GSN: variants seen among roughly 807,000 people sequenced by gnomAD.
GSN encodes the protein gelsolin.
A neutral mutation model predicts 85.7 loss-of-function variants in GSN; 56 were observed. The observed-to-expected ratio is 0.65, with a 90% CI of 0.53 to 0.82. The LOEUF is 0.82. GSN is among the 40% of genes least tolerant of loss of function. The probability of loss-of-function intolerance (pLI) is 0.00; values close to 1 mark genes in which losing one functional copy is unlikely to be tolerated. For synonymous variants in GSN, 373 were observed against 399.1 expected (o/e 0.93, Z 0.78); for missense variants, 857 against 979.8 (o/e 0.87, Z 1.67).
chr9:121,325,355 T>C (rs751990722), intron 12 of GSN, among the ~76,000 whole-genome samples: 3 of 152,148 alleles, frequency 2.0e-5, no homozygotes, highest in East Asian at 1.9e-4. Flanking sequence ...GGAAAGCACA[T>C]TGTGGGTAAA....
At position 121,251,187 on chromosome 9, in the gene GSN, C is replaced by CTTTTTTT. The variant is rs58231680; in HGVS notation, c.-341+2871_-341+2877dup. ...ATAACATACCTACAGCTGATGTGTT[C>CTTTTTTT]TTTTTTTTTTTTTGAGATGGATTCT... On this transcript the variant is annotated intron_variant, in intron 6 of 24. Coordinates refer to the GSN transcript ENST00000373823. Among the ~76,000 whole-genome samples the CTTTTTTT allele has an allele frequency of 7.1e-4, 52 of 73,044 alleles. 10 individuals are homozygous for CTTTTTTT. Among genetic ancestry groups the CTTTTTTT allele is most frequent in the Non-Finnish European group, 1.1e-3 (50 of 44,692 alleles). The allele number at this position is 73,044 out of a possible 152,430, so 47.9% of individuals were successfully genotyped here.
In GSN at chr9:121,327,412, G is replaced by C. The variant is rs761716107; in HGVS notation, c.1692G>C (p.Lys564Asn). Residue 564 changes from lysine (K) to asparagine (N), a missense_variant, in exon 14 of 18, where the codon AAG becomes AAC. Physicochemically the swap from Lys to Asn is moderately conservative, Grantham distance 94 (BLOSUM62 0). Transcript: ENST00000432226. ...WVGTGASEAE[K>N]TGAQELLRVL... ...GTACAGGAGCCAGCGAGGCAGAGAA[G>C]ACGGGGGCCCAGGAGCTGCTCAGGG... 1.9e-6 allele frequency: 3 copies of C among 1,611,716 alleles called. No individual in the cohort carries two copies. The highest frequency in any genetic ancestry group is 2.2e-5 in the South Asian group (2 of 90,574).
At chr9:121,295,649 G>A (rs1300538741) in intron 2 of GSN, among the ~76,000 whole-genome samples, 2 of 152,188 alleles carry the variant, frequency 1.3e-5, no homozygotes, top group African/African-American at 2.4e-5. Flanking sequence ...GAGGAAAGGA[G>A]GGCCCAGAGC....
At chr9:121,297,477 T>C (rs1291778762) in intron 2 of GSN, among the ~76,000 whole-genome samples, 2 of 152,182 alleles carry the variant, frequency 1.3e-5, no homozygotes, top group African/African-American at 4.8e-5. Flanking sequence ...GCCACGGCAA[T>C]GTTTGAGGAT....
intron 1 of GSN, among the ~76,000 whole-genome samples, chr9:121,269,556 G>C (rs932345682): frequency 6.6e-6 from 1 of 152,142 alleles, no homozygotes; most frequent in Admixed American, 6.5e-5. Flanking sequence ...GGCTGTTAAG[G>C]GGGAGAGGCT....
At chr9:121,331,272 T>C in intron 16 of GSN, 116 bp from the exon 17 acceptor site, 1 of 716,478 alleles carries the variant, frequency 1.4e-6, no homozygotes, top group South Asian at 1.5e-5. Flanking sequence ...TCATGGGCTC[T>C]GTTAGAAAGG....
At chr9:121,239,352 CA>C in intron 5 of GSN, 4 of 444,406 alleles carry the variant, frequency 9.0e-6, no homozygotes, top group Admixed American at 2.7e-5. Context: ...TAGCCAAGTT[CA>C]AAAACAGGCA....
chr9:121,223,815 AC>A (rs2054218733), intron 4 of GSN, among the ~76,000 whole-genome samples: 1 of 151,726 alleles, frequency 6.6e-6, no homozygotes, highest in South Asian at 2.1e-4. Context: ...GTGTGCCACC[AC>A]GCCGGCTAAA....
At chr9:121,295,041 G>A (rs867096018) in intron 2 of GSN, among the ~76,000 whole-genome samples, 26 of 152,282 alleles carry the variant, frequency 1.7e-4, no homozygotes, top group African/African-American at 6.0e-4. Context: ...GCGTCTCACC[G>A]TGAAATCTGT....
intron 2 of GSN, chr9:121,282,112 C>A (rs2057457314): frequency 2.2e-6 from 1 of 462,158 alleles, no homozygotes; most frequent in African/African-American, 2.0e-5. Flanking sequence ...AGGTGACCTG[C>A]TGAAGTAGGT....
upstream of GSN, among the ~76,000 whole-genome samples, chr9:121,266,914 T>G (rs542416327): frequency 2.0e-4 from 31 of 152,284 alleles, no homozygotes; most frequent in Non-Finnish European, 3.8e-4. Context: ...CTGGCTGCTA[T>G]TCAATGGAAA....
At chr9:121,331,662 A>G (rs446038) in intron 17 of GSN, 459,199 of 534,818 alleles carry the variant, frequency 0.86, 197,938 homozygotes, top group East Asian at 0.99. Context: ...GAGGCTTCTC[A>G]AAGAAGGCTC....
intron 11 of GSN, among the ~76,000 whole-genome samples, chr9:121,321,718 T>A (rs886533291): frequency 1.4e-5 from 2 of 146,202 alleles, no homozygotes; most frequent in Non-Finnish European, 3.0e-5. Flanking sequence ...AAAATTTTTT[T>A]AAATTTATAT....
At chr9:121,229,960 A>G (rs1034298985) in intron 4 of GSN, among the ~76,000 whole-genome samples, 7 of 152,046 alleles carry the variant, frequency 4.6e-5, no homozygotes, top group African/African-American at 1.7e-4. Flanking sequence ...TTCTTTTTTT[A>G]TACACTCATG....
chr9:121,277,718 T>G (rs1444551044), intron 1 of GSN, among the ~76,000 whole-genome samples: 1 of 148,468 alleles, frequency 6.7e-6, no homozygotes, highest in Non-Finnish European at 1.5e-5. Flanking sequence ...AGTGACTCAG[T>G]AGAAAGCCAT....
chr9:121,277,705 G>A (rs867164734), intron 1 of GSN, among the ~76,000 whole-genome samples: 2 of 146,344 alleles, frequency 1.4e-5, no homozygotes, highest in Admixed American at 1.5e-4. Flanking sequence ...CTTTAGGAAA[G>A]AGAGTGACTC....
At chr9:121,301,683 A>G (rs1435084354) in intron 2 of GSN, among the ~76,000 whole-genome samples, 2 of 151,960 alleles carry the variant, frequency 1.3e-5, no homozygotes, top group African/African-American at 4.8e-5. Flanking sequence ...GCAGGGAGGT[A>G]GAGCCCTCTG....
rs1259841945 is a variant in GSN at position 121,286,569 on chromosome 9, G to A, written c.-10+5007G>A. ...AATGCCCCTCCTCCGTGGCTCTGTT[G>A]GGCCATGGGTGCTCCCTCCTTTGTG... On this transcript the variant is annotated intron_variant, in intron 2 of 17. Transcript: ENST00000432226. 1.9e-5 allele frequency: 27 copies of A among 1,458,958 alleles called. No homozygotes were observed. In the South Asian group the frequency reaches 3.6e-4, roughly 19 times the overall value. 90.4% of individuals were successfully genotyped at this position (1,458,958 alleles called of 1,614,324 possible). A position where few individuals can be genotyped will look rare whatever the true frequency, so the allele number is the denominator to read the frequency against.
chr9:121,313,270 C>T (rs1021527461), intron 6 of GSN: 3 of 159,926 alleles, frequency 1.9e-5, no homozygotes, highest in Non-Finnish European at 4.2e-5. Context: ...GAGGACGTAT[C>T]AATAGAGGCA....
Sources: allele counts gnomAD v4.1 joint callset (sites outside exome capture counted in the v4.1 genomes callset), GRCh38; gene constraint gnomAD v4.1.1; transcripts MANE v1.5; gene names NCBI Gene and HGNC (gene_info 2026-07-23, HGNC 2026-07-21).